MSH3: variants seen among roughly 807,000 people sequenced by gnomAD.
MSH3 encodes the protein mutS homolog 3.
In MSH3, 106 loss-of-function variants were observed where a neutral mutation model predicts 123.3. The observed-to-expected ratio is 0.86, with a 90% CI of 0.73 to 1.01. The LOEUF is 1.01. MSH3 is among the 50% of genes least tolerant of loss of function. MSH3 has a pLI of 0.00. For missense variants in MSH3, 1,459 were observed against 1,347.6 expected (o/e 1.08, Z -1.29); for synonymous variants, 515 against 481.4 (o/e 1.07, Z -0.91).
intron 8 of MSH3, among the ~76,000 whole-genome samples, chr5:80,679,533 AG>A (rs1749922168): frequency 6.6e-6 from 1 of 152,254 alleles, no homozygotes; most frequent in African/African-American, 2.4e-5. Flanking sequence ...GAGATAATTT[AG>A]AGTTCACTTC....
chr5:80,725,411 T>G (rs142421467), intron 8 of MSH3, 42 bp from the exon 9 acceptor site: 1 of 1,371,338 alleles, frequency 7.3e-7, no homozygotes, highest in African/African-American at 1.4e-5. Context: ...CATTTCATGA[T>G]AATGGATAAG....
rs570392558 is a variant in MSH3 at position 80,705,772 on chromosome 5, A to G, written c.1341-19681A>G. Among the ~76,000 whole-genome samples the G allele has an allele frequency of 5.3e-5, 8 of 152,164 alleles. No individual in the cohort carries two copies. In the South Asian group the frequency reaches 1.5e-3, roughly 28 times the overall value. On this transcript the variant is annotated intron_variant, in intron 8 of 23. Transcript: ENST00000265081. ...CCACCTCCTTCTTACGTCTCTTCAT[A>G]TCGTCTTTCCTCCATGCATGTCTCT...
chr5:80,856,994 C>T (rs1463097196), intron 21 of MSH3, among the ~76,000 whole-genome samples: 1 of 152,116 alleles, frequency 6.6e-6, no homozygotes, highest in Non-Finnish European at 1.5e-5. Context: ...AGTGGGAAAG[C>T]TTTGAGTTTC....
At chr5:80,866,205 C>A (rs1746095595) in intron 22 of MSH3, among the ~76,000 whole-genome samples, 2 of 152,184 alleles carry the variant, frequency 1.3e-5, no homozygotes, top group Non-Finnish European at 2.9e-5. Flanking sequence ...GTGGCACGAT[C>A]ATAGCTCACT....
chr5:80,785,692 G>A (rs1033562952), intron 17 of MSH3, among the ~76,000 whole-genome samples: 61 of 152,042 alleles, frequency 4.0e-4, no homozygotes, highest in Non-Finnish European at 7.1e-4. Context: ...ACATGCACAC[G>A]TATGTTTATT....
chr5:80,719,255 C>T (rs1751027731), intron 8 of MSH3, among the ~76,000 whole-genome samples: 1 of 151,976 alleles, frequency 6.6e-6, no homozygotes, highest in African/African-American at 2.4e-5. Context: ...ATCGTGTTGG[C>T]CAGGAAGGTC....
intron 18 of MSH3, 48 bp downstream of exon 18, chr5:80,787,720 A>T: frequency 8.2e-7 from 1 of 1,218,214 alleles, no homozygotes; most frequent in African/African-American, 1.5e-5. Flanking sequence ...AGATAAGATG[A>T]CATTATTCAA....
At chr5:80,842,170 C>T (rs1295243472) in intron 20 of MSH3, among the ~76,000 whole-genome samples, 1 of 152,192 alleles carries the variant, frequency 6.6e-6, no homozygotes, top group Middle Eastern at 3.2e-3. Context: ...GGAATCCTTT[C>T]CCCATTGCTT....
intron 8 of MSH3, among the ~76,000 whole-genome samples, chr5:80,701,796 T>C (rs1325812199): frequency 6.6e-6 from 1 of 152,124 alleles, no homozygotes; most frequent in African/African-American, 2.4e-5. Context: ...TAATTTCTCT[T>C]ATTTTCCCTG....
Position 80,866,261 on chromosome 5 carries a change from C to G in MSH3, c.3130+1319C>G, listed in dbSNP as rs1223746960. Among the ~76,000 whole-genome samples the G allele has an allele frequency of 3.3e-5, 5 of 152,274 alleles. No homozygotes were observed. The South Asian group carries it at 1.0e-3, about 32-fold the overall frequency. ...CCAGGTGATCCTCCCATGTCAGCCTCCCCGGTAGCTGGGACTACAGGTGCA... is the reference window on the plus strand; with the variant it reads ...CCAGGTGATCCTCCCATGTCAGCCTGCCCGGTAGCTGGGACTACAGGTGCA... On this transcript the variant is annotated intron_variant, in intron 22 of 23. Transcript: ENST00000265081.
intron 7 of MSH3, among the ~76,000 whole-genome samples, chr5:80,677,719 G>A: frequency 6.6e-6 from 1 of 152,156 alleles, no homozygotes. Flanking sequence ...TTCCAGCCTT[G>A]CCACCTTAAA....
At chr5:80,775,318 G>A (rs1021047869) in intron 15 of MSH3, among the ~76,000 whole-genome samples, 13 of 151,950 alleles carry the variant, frequency 8.6e-5, no homozygotes, top group Non-Finnish European at 2.9e-5. Context: ...TCTAGTAATT[G>A]AATATTTTAA....
chr5:80,794,535 G>A (rs1482069506), intron 19 of MSH3, among the ~76,000 whole-genome samples: 5 of 152,150 alleles, frequency 3.3e-5, no homozygotes, highest in Non-Finnish European at 7.4e-5. Context: ...AATATGTAGG[G>A]AGTAGTTATG....
At chr5:80,705,049 C>T (rs952081651) in intron 8 of MSH3, among the ~76,000 whole-genome samples, 7 of 152,118 alleles carry the variant, frequency 4.6e-5, no homozygotes, top group African/African-American at 1.4e-4. Context: ...GTTGATAGAA[C>T]GTTTTATAGA....
chr5:80,820,859 T>G (rs531916180), intron 20 of MSH3, among the ~76,000 whole-genome samples: 92 of 152,336 alleles, frequency 6.0e-4, no homozygotes, highest in African/African-American at 1.9e-3. Flanking sequence ...TGTGTACCAG[T>G]GCACCTTTGT....
chr5:80,846,789 G>A (rs1159224226), intron 20 of MSH3, among the ~76,000 whole-genome samples: 2 of 152,228 alleles, frequency 1.3e-5, no homozygotes, highest in African/African-American at 4.8e-5. Context: ...TATTTGGTCA[G>A]GAGTGTACTG....
At chr5:80,720,285 T>A (rs1751052576) in intron 8 of MSH3, among the ~76,000 whole-genome samples, 1 of 152,196 alleles carries the variant, frequency 6.6e-6, no homozygotes. Flanking sequence ...GATGTGTTTT[T>A]TAAATATACA....
In MSH3 at chr5:80,744,588, G is replaced by A. The variant is rs2112868963; in HGVS notation, c.1736G>A (p.Trp579Ter). ...TSFGRRKLKK[W>*]VTQPLLKLRE... ...TTTGGGAGACGGAAGTTAAAGAAGT[G>A]GGTGACCCAGCCACTCCTTAAATTA... Residue 579 changes from tryptophan (W) to a stop codon, truncating the protein, a stop_gained, in exon 12 of 24, where the codon TGG (tryptophan) becomes TAG (stop). Transcript: ENST00000265081. LOFTEE classifies it high-confidence loss of function. 1 of 1,613,266 alleles carries A rather than the reference G, an allele frequency of 6.2e-7. No individual in the cohort carries two copies. Among genetic ancestry groups the A allele is most frequent in the Non-Finnish European group, 8.5e-7 (1 of 1,179,504 alleles).
At chr5:80,808,391 G>A (rs1286051789) in intron 19 of MSH3, among the ~76,000 whole-genome samples, 1 of 152,098 alleles carries the variant, frequency 6.6e-6, no homozygotes, top group Non-Finnish European at 1.5e-5. Flanking sequence ...ATTGACCTAA[G>A]GAAAGGCTTC....
Sources: allele counts gnomAD v4.1 joint callset (sites outside exome capture counted in the v4.1 genomes callset), GRCh38; gene constraint gnomAD v4.1.1; transcripts MANE v1.5; gene names NCBI Gene and HGNC (gene_info 2026-07-23, HGNC 2026-07-21).